Variants in SPDYE10 observed in about 807,000 individuals in gnomAD.
The protein encoded by SPDYE10 is speedy protein E10.
At chr7:73,137,310 T>C in the SPDYE10 span, among the ~76,000 whole-genome samples, 1 of 150,300 alleles carries the variant, frequency 6.7e-6, no homozygotes, top group Non-Finnish European at 1.5e-5. Flanking sequence ...GGTCAGGAGA[T>C]TGAGACCATC....
At chr7:73,113,612 G>A in the SPDYE10 span, among the ~76,000 whole-genome samples, 9 of 150,972 alleles carry the variant, frequency 6.0e-5, no homozygotes, top group South Asian at 2.1e-4. Context: ...TGTGGGTTCC[G>A]GCCAGGCACA....
At chr7:73,140,841 G>A in the SPDYE10 span, among the ~76,000 whole-genome samples, 9 of 148,398 alleles carry the variant, frequency 6.1e-5, no homozygotes, top group East Asian at 2.1e-4. Flanking sequence ...GGCTGGTCTC[G>A]AACTCCTGAC....
At chr7:73,143,069 C>T in the SPDYE10 span, among the ~76,000 whole-genome samples, 5 of 150,898 alleles carry the variant, frequency 3.3e-5, no homozygotes, top group African/African-American at 1.2e-4. Flanking sequence ...TGGCAGCTTC[C>T]ACAGCCACAC....
At chr7:73,155,089 C>T in the SPDYE10 span, 2 of 144,008 alleles carry the variant, frequency 1.4e-5, no homozygotes, top group Non-Finnish European at 3.0e-5. Flanking sequence ...CCGGCCCGGC[C>T]CGGCCGCCGC....
the SPDYE10 span, among the ~76,000 whole-genome samples, chr7:73,111,325 C>T: frequency 1.4e-5 from 2 of 142,794 alleles, no homozygotes; most frequent in African/African-American, 5.3e-5. Flanking sequence ...CCATTCTTCC[C>T]TCTCTCTGTC....
At chr7:73,113,618 G>C in the SPDYE10 span, among the ~76,000 whole-genome samples, 3 of 151,416 alleles carry the variant, frequency 2.0e-5, no homozygotes, top group African/African-American at 7.3e-5. Flanking sequence ...TTCCGGCCAG[G>C]CACAGTGGCT....
At chr7:73,113,868 A>G in the SPDYE10 span, among the ~76,000 whole-genome samples, 1 of 152,086 alleles carries the variant, frequency 6.6e-6, no homozygotes, top group Non-Finnish European at 1.5e-5. Flanking sequence ...TCTGCTAAAA[A>G]TACAAAAAGT....
the SPDYE10 span, among the ~76,000 whole-genome samples, chr7:73,143,171 T>C: frequency 4.0e-5 from 6 of 150,796 alleles, no homozygotes; most frequent in Admixed American, 1.3e-4. Flanking sequence ...TTCTGCAAAG[T>C]AACTTTGTCC....
the SPDYE10 span, among the ~76,000 whole-genome samples, chr7:73,123,765 T>TTCTCTC: frequency 6.1e-5 from 5 of 82,366 alleles, no homozygotes; most frequent in South Asian, 4.2e-4. Context: ...GCCATTTCCT[T>TTCTCTC]TCTCTCTCTC....
At chr7:73,137,622 G>A in the SPDYE10 span, among the ~76,000 whole-genome samples, 1 of 141,186 alleles carries the variant, frequency 7.1e-6, no homozygotes, top group Non-Finnish European at 1.5e-5. Context: ...AAGAAAGAAA[G>A]AAAGAAAGAA....
the SPDYE10 span, among the ~76,000 whole-genome samples, chr7:73,117,096 T>C: frequency 6.8e-6 from 1 of 146,122 alleles, no homozygotes; most frequent in East Asian, 2.0e-4. Context: ...TGTTGTTTTT[T>C]AAGATTGAGT....
the SPDYE10 span, among the ~76,000 whole-genome samples, chr7:73,150,948 A>ATTTTT: frequency 3.6e-3 from 18 of 4,942 alleles, 1 homozygote; most frequent in African/African-American, 0.013. Flanking sequence ...ATATATATAT[A>ATTTTT]TTTTTTTTTT....
At chr7:73,142,331 C>CT in the SPDYE10 span, among the ~76,000 whole-genome samples, 2 of 129,938 alleles carry the variant, frequency 1.5e-5, no homozygotes, top group Non-Finnish European at 3.2e-5. Flanking sequence ...GTATTAATGT[C>CT]TTACAATTGC....
At chr7:73,150,948 ATTTTTTT>A in the SPDYE10 span, among the ~76,000 whole-genome samples, 1 of 4,944 alleles carries the variant, frequency 2.0e-4, no homozygotes, top group African/African-American at 8.9e-4. Flanking sequence ...ATATATATAT[ATTTTTTT>A]TTTTTTACCA....
At chr7:73,152,181 A>G in the SPDYE10 span, among the ~76,000 whole-genome samples, 1 of 135,178 alleles carries the variant, frequency 7.4e-6, no homozygotes, top group African/African-American at 2.9e-5. Flanking sequence ...TGCCTGGCTA[A>G]TTTTTGTATT....
the SPDYE10 span, among the ~76,000 whole-genome samples, chr7:73,138,567 CGG>C: frequency 5.3e-5 from 8 of 150,502 alleles, no homozygotes; most frequent in Admixed American, 1.3e-4. Flanking sequence ...TTAGTAGAGA[CGG>C]GGTTTCACCA....
At chr7:73,116,827 C>G in the SPDYE10 span, among the ~76,000 whole-genome samples, 11 of 150,052 alleles carry the variant, frequency 7.3e-5, no homozygotes, top group African/African-American at 2.7e-4. Context: ...GCATTCCTCC[C>G]GCTTCAGCCT....
the SPDYE10 span, among the ~76,000 whole-genome samples, chr7:73,152,137 C>T: frequency 1.4e-5 from 2 of 142,180 alleles, no homozygotes; most frequent in Admixed American, 6.9e-5. Flanking sequence ...ACCTCAGCCT[C>T]CCAAGTAGCT....
At chr7:73,150,945 TA>T in the SPDYE10 span, among the ~76,000 whole-genome samples, 89 of 14,114 alleles carry the variant, frequency 6.3e-3, 2 homozygotes, top group African/African-American at 0.02. Context: ...TATATATATA[TA>T]TATTTTTTTT....
Sources: allele counts gnomAD v4.1 joint callset (sites outside exome capture counted in the v4.1 genomes callset), GRCh38; gene constraint gnomAD v4.1.1; transcripts MANE v1.5; gene names NCBI Gene and HGNC (gene_info 2026-07-23, HGNC 2026-07-21).